The following LRBA variants were observed in gnomAD, a reference collection of about 807,000 sequenced individuals.
The protein encoded by LRBA is lipopolysaccharide-responsive and beige-like anchor protein.
A neutral mutation model predicts 330.0 loss-of-function variants in LRBA; 176 were observed. That is an observed-to-expected ratio of 0.53 (90% confidence interval 0.47 to 0.60). The LOEUF (loss-of-function observed/expected upper bound fraction) is 0.60. Among genes scored for constraint, LRBA ranks in the 20% least tolerant of loss-of-function variants. The probability of loss-of-function intolerance (pLI) is 0.00; values close to 1 mark genes in which losing one functional copy is unlikely to be tolerated. For missense variants in LRBA, 3,259 were observed against 3,444.8 expected, an observed-to-expected ratio of 0.95 and a Z score of 1.35; for synonymous variants, 1,230 against 1,193.0, an observed-to-expected ratio of 1.03 and a Z score of -0.64.
chr4:150,850,697 T>A, intron 24 of LRBA, 27 bp downstream of exon 24: 2 of 1,422,432 alleles, frequency 1.4e-6, no homozygotes. Flanking sequence ...TTTATACACA[T>A]CTTCCATAAT....
At chr4:150,661,480 A>G (rs1781096184) in intron 37 of LRBA, among the ~76,000 whole-genome samples, 1 of 151,720 alleles carries the variant, frequency 6.6e-6, no homozygotes, top group Admixed American at 6.6e-5. Flanking sequence ...AAAAAAAAAA[A>G]AAAAAAAGAA....
At position 150,378,743 on chromosome 4, in the gene LRBA, T is replaced by C. The variant is rs568613181; in HGVS notation, c.7195-28584A>G. On this transcript the variant is annotated intron_variant, in intron 47 of 56. Coordinates refer to ENST00000651943, the MANE Select transcript of LRBA (RefSeq NM_001364905.1). ...ACATACAGGTAATGTAGAGAAAGCC[T>C]GCCATAACCACATGATGAAAGCAAG... Among the ~76,000 whole-genome samples the C allele has an allele frequency of 1.7e-4, 26 of 152,284 alleles. No homozygotes were observed. The South Asian group carries it at 5.4e-3, about 32-fold the overall frequency.
At chr4:150,470,761 G>C (rs889486110) in intron 43 of LRBA, among the ~76,000 whole-genome samples, 2 of 151,542 alleles carry the variant, frequency 1.3e-5, no homozygotes, top group Admixed American at 6.6e-5. Context: ...ATATCAAATG[G>C]TTGGTGCCTT....
At chr4:150,704,329 G>T (rs1428799716) in intron 36 of LRBA, among the ~76,000 whole-genome samples, 4 of 151,780 alleles carry the variant, frequency 2.6e-5, no homozygotes, top group African/African-American at 9.7e-5. Context: ...TTGCCTCTTG[G>T]TGGGGCAAAG....
At chr4:151,014,280 T>A in intron 2 of LRBA, 147 bp downstream of exon 2, 1 of 604,406 alleles carries the variant, frequency 1.7e-6, no homozygotes, top group Non-Finnish European at 2.9e-6. Context: ...CAGATGAAAT[T>A]GTTTCATTTA....
intron 44 of LRBA, among the ~76,000 whole-genome samples, chr4:150,443,971 G>A (rs1752247303): frequency 2.0e-5 from 3 of 148,590 alleles, no homozygotes; most frequent in Non-Finnish European, 4.5e-5. Context: ...GCCTCTGCAA[G>A]GCCATTAGAA....
At chr4:150,580,127 G>T in intron 40 of LRBA, 1 of 180,940 alleles carries the variant, frequency 5.5e-6, no homozygotes, top group Non-Finnish European at 1.2e-5. Flanking sequence ...GAGGCGTTCC[G>T]GGACGCACGC....
chr4:150,492,814 T>G (rs1330360523), intron 40 of LRBA, among the ~76,000 whole-genome samples: 1 of 152,104 alleles, frequency 6.6e-6, no homozygotes, highest in Non-Finnish European at 1.5e-5. Flanking sequence ...TGGAATGTTC[T>G]CCCACATCTC....
chr4:150,691,139 C>G (rs1203661036), intron 36 of LRBA, among the ~76,000 whole-genome samples: 2 of 151,838 alleles, frequency 1.3e-5, no homozygotes, highest in African/African-American at 2.4e-5. Context: ...ACCATGTTAG[C>G]CAGGATGGTC....
rs1272680073 is a variant in LRBA at position 150,489,556 on chromosome 4, TAA to T, written c.6448+1360_6448+1361del. 5.8e-3 allele frequency among the ~76,000 whole-genome samples: 583 copies of T among 100,004 alleles called. 5 individuals are homozygous for T. The highest frequency in any genetic ancestry group is 9.0e-3 in the Non-Finnish European group (495 of 55,040). The allele number at this position is 100,004 out of a possible 152,430, so 65.6% of individuals were successfully genotyped here. ...AATATATATTATATATAAGAATACATAATATATATTATATATAAGAATATATA... is the reference window on the plus strand; with the variant it reads ...AATATATATTATATATAAGAATACATTATATATTATATATAAGAATATATA... On this transcript the variant is annotated intron_variant, in intron 41 of 56. Coordinates refer to ENST00000651943, the MANE Select transcript of LRBA (RefSeq NM_001364905.1).
chr4:150,478,772 T>C (rs904391994), intron 42 of LRBA, among the ~76,000 whole-genome samples: 5 of 152,214 alleles, frequency 3.3e-5, no homozygotes, highest in African/African-American at 9.6e-5. Flanking sequence ...AAAAGTCACA[T>C]AGGAAGATAT....
intron 2 of LRBA, among the ~76,000 whole-genome samples, chr4:150,953,439 C>A (rs1737094270): frequency 6.6e-6 from 1 of 150,620 alleles, no homozygotes; most frequent in African/African-American, 2.4e-5. Flanking sequence ...GTACTGCCGC[C>A]ATCTCGGCTC....
Position 150,872,736 on chromosome 4 carries a change from C to A in LRBA, c.2185G>T (p.Ala729Ser). Reference sequence around the variant, plus strand: ...ACCCTGATTCCTTCACTTTTCGATGCCAGAAGTTTGTAGATAACACTGAAT... The same window carrying A: ...ACCCTGATTCCTTCACTTTTCGATGACAGAAGTTTGTAGATAACACTGAAT... ...NGLRVIYKLL[A>S]SKSEGIRVQA... Residue 729 changes from alanine to serine, a missense_variant, in exon 18 of 57, where the codon GCA becomes TCA. By Grantham distance (99) the Ala-to-Ser change is moderately conservative. Transcript: ENST00000651943. 6.2e-7 allele frequency: 1 copy of A among 1,600,610 alleles called. No homozygotes were observed. Among genetic ancestry groups the A allele is most frequent in the Non-Finnish European group, 8.5e-7 (1 of 1,171,876 alleles).
chr4:150,692,574 G>GCTCAT (rs1250078161), intron 36 of LRBA, among the ~76,000 whole-genome samples: 2 of 152,064 alleles, frequency 1.3e-5, no homozygotes, highest in African/African-American at 4.8e-5. Flanking sequence ...CAGTTAAAAT[G>GCTCAT]CTCATACCAA....
chr4:150,668,051 C>T (rs1781720726), intron 37 of LRBA, among the ~76,000 whole-genome samples: 1 of 152,086 alleles, frequency 6.6e-6, no homozygotes. Context: ...TTCTTTCTTC[C>T]CTATCATAAA....
At chr4:151,005,461 A>C (rs1011088482) in intron 2 of LRBA, among the ~76,000 whole-genome samples, 1 of 150,862 alleles carries the variant, frequency 6.6e-6, no homozygotes, top group Non-Finnish European at 1.5e-5. Context: ...AAAAAAAAAA[A>C]AAACCCTGTA....
At chr4:150,718,790 CAT>C (rs1321712391) in intron 36 of LRBA, among the ~76,000 whole-genome samples, 2 of 151,962 alleles carry the variant, frequency 1.3e-5, no homozygotes, top group African/African-American at 2.4e-5. Flanking sequence ...TTAGACAAAA[CAT>C]AAAATTAAAT....
chr4:150,863,961 G>A (rs1752338585), intron 22 of LRBA, among the ~76,000 whole-genome samples: 1 of 151,740 alleles, frequency 6.6e-6, no homozygotes, highest in Non-Finnish European at 1.5e-5. Flanking sequence ...TATTTTTTGA[G>A]ACAGAGTCTC....
intron 37 of LRBA, among the ~76,000 whole-genome samples, chr4:150,603,277 T>G (rs1774302072): frequency 6.6e-6 from 1 of 152,212 alleles, no homozygotes; most frequent in African/African-American, 2.4e-5. Context: ...TCTAATTATT[T>G]TTTAATTTAG....
Sources: allele counts gnomAD v4.1 joint callset (sites outside exome capture counted in the v4.1 genomes callset), GRCh38; gene constraint gnomAD v4.1.1; transcripts MANE v1.5; gene names NCBI Gene and HGNC (gene_info 2026-07-23, HGNC 2026-07-21).